Variants in SERPINB2 observed in about 807,000 individuals in gnomAD.
SERPINB2 encodes the protein serpin family B member 2.
SERPINB2 carries 28 observed loss-of-function variants against 39.4 expected under a neutral mutation model. The observed-to-expected ratio is 0.71, with a 90% CI of 0.53 to 0.97. SERPINB2 has a LOEUF of 0.97. Ranked by LOEUF, SERPINB2 falls within the 50% of genes least tolerant of loss-of-function variation. The probability of loss-of-function intolerance (pLI) is 0.00; values close to 1 mark genes in which losing one functional copy is unlikely to be tolerated. For synonymous variants in SERPINB2, 209 were observed against 175.1 expected (o/e 1.19, Z -1.53); for missense variants, 557 against 505.3 (o/e 1.10, Z -0.98).
rs141595251 is a variant in SERPINB2 at position 63,897,189 on chromosome 18, G to C, written c.387G>C (p.Leu129=). Residue 129 remains leucine (L), a synonymous_variant, in exon 4 of 8, where the codon CTG becomes CTC. Coordinates refer to ENST00000299502, the MANE Select transcript of SERPINB2 (RefSeq NM_002575.3). ...ATTTACTGGAAAGTGTCAATAAGCT[G>C]TTTGGTGAGAAGTCTGCGAGCTTCC... ...GNYLLESVNK[L]FGEKSASFRE... The C allele has an allele frequency of 1.6e-5, 26 of 1,612,488 alleles. No homozygotes were observed. The African/African-American group carries it at 2.8e-4, about 17-fold the overall frequency.
intron 2 of SERPINB2, among the ~76,000 whole-genome samples, chr18:63,892,126 AC>A (rs1195522596): frequency 6.6e-6 from 1 of 151,822 alleles, no homozygotes; most frequent in Non-Finnish European, 1.5e-5. Context: ...AAAAAAAAAA[AC>A]ATACCAGGGT....
At chr18:63,901,132 TG>T (rs770091197) in intron 5 of SERPINB2, among the ~76,000 whole-genome samples, 9 of 152,164 alleles carry the variant, frequency 5.9e-5, no homozygotes, top group Non-Finnish European at 1.3e-4. Flanking sequence ...CTCCCTTCTC[TG>T]TATGATCATA....
intron 5 of SERPINB2, among the ~76,000 whole-genome samples, chr18:63,899,048 C>T (rs556534315): frequency 1.8e-4 from 28 of 152,320 alleles, no homozygotes; most frequent in Non-Finnish European, 2.1e-4. Flanking sequence ...CTGTGCTTGG[C>T]TACCACTGGC....
Position 63,901,887 on chromosome 18 carries a change from G to A in SERPINB2, c.678+5G>A. Reference sequence around the variant, plus strand: ...TATCCTTTCCGTGTAAACTCGGTATGAGACAACAAAATACATCTTCCTAGC... The same window carrying A: ...TATCCTTTCCGTGTAAACTCGGTATAAGACAACAAAATACATCTTCCTAGC... On this transcript the variant is annotated splice_donor_5th_base_variant and intron_variant, in intron 6 of 7. Coordinates refer to ENST00000299502, the MANE Select transcript of SERPINB2 (RefSeq NM_002575.3). 3 of 1,593,544 alleles carry A rather than the reference G, an allele frequency of 1.9e-6. No individual in the cohort carries two copies. Among genetic ancestry groups the A allele is most frequent in the Non-Finnish European group, 2.6e-6 (3 of 1,174,418 alleles).
intron 5 of SERPINB2, among the ~76,000 whole-genome samples, chr18:63,899,294 T>G (rs2049978500): frequency 6.6e-6 from 1 of 152,202 alleles, no homozygotes; most frequent in South Asian, 2.1e-4. Context: ...AACTGATTTT[T>G]GTTAGTTTGT....
intron 3 of SERPINB2, 122 bp downstream of exon 3, chr18:63,895,505 C>T: frequency 8.0e-7 from 1 of 1,248,250 alleles, no homozygotes; most frequent in East Asian, 2.3e-5. Context: ...AGAAAGAAAA[C>T]TAAGACTCAG....
intron 1 of SERPINB2, among the ~76,000 whole-genome samples, chr18:63,888,822 G>A (rs1190378643): frequency 1.3e-5 from 2 of 152,176 alleles, no homozygotes; most frequent in Admixed American, 1.3e-4. Flanking sequence ...AAGTTAATGA[G>A]ATCATATAAA....
chr18:63,894,249 ATCT>A (rs145900855), intron 2 of SERPINB2, among the ~76,000 whole-genome samples: 7,132 of 152,200 alleles, frequency 0.047, 210 homozygotes, highest in South Asian at 0.095. Flanking sequence ...GTCGTAGGAA[ATCT>A]TCTTCTTTTA....
At chr18:63,894,880 G>C (rs1405196181) in intron 2 of SERPINB2, among the ~76,000 whole-genome samples, 1 of 152,132 alleles carries the variant, frequency 6.6e-6, no homozygotes, top group Non-Finnish European at 1.5e-5. Context: ...ACTGAAAAGA[G>C]AGAGACACAC....
At chr18:63,889,265 C>A (rs1321657121) in intron 1 of SERPINB2, among the ~76,000 whole-genome samples, 2 of 152,130 alleles carry the variant, frequency 1.3e-5, no homozygotes, top group Non-Finnish European at 2.9e-5. Context: ...TAATTAATTA[C>A]ACCTTATTTA....
At chr18:63,891,355 C>A in intron 1 of SERPINB2, 81 bp from the exon 2 acceptor site, 1 of 1,390,834 alleles carries the variant, frequency 7.2e-7, no homozygotes, top group Non-Finnish European at 1.0e-6. Flanking sequence ...CAGAATGCAG[C>A]CTGTCCTACT....
intron 5 of SERPINB2, among the ~76,000 whole-genome samples, chr18:63,898,486 G>A (rs4366804): frequency 0.29 from 43,410 of 151,830 alleles, 6,766 homozygotes; most frequent in East Asian, 0.48. Flanking sequence ...TTTATTCATT[G>A]AATTCATTCA....
chr18:63,892,224 T>C (rs1455139298), intron 2 of SERPINB2, among the ~76,000 whole-genome samples: 1 of 152,104 alleles, frequency 6.6e-6, no homozygotes, highest in East Asian at 1.9e-4. Flanking sequence ...GAATGAGACC[T>C]GGCATTATTA....
intron 1 of SERPINB2, chr18:63,890,221 A>C (rs190811682): frequency 1.3e-5 from 2 of 152,168 alleles, no homozygotes; most frequent in Non-Finnish European, 2.9e-5. Flanking sequence ...AAAAAAAAAG[A>C]GTTCATGAAT....
At chr18:63,897,894 G>T in intron 5 of SERPINB2, 50 bp downstream of exon 5, 1 of 1,272,132 alleles carries the variant, frequency 7.9e-7, no homozygotes, top group Non-Finnish European at 1.1e-6. Flanking sequence ...AGAAAACTCT[G>T]ATCTATCTTT....
At position 63,897,182 on chromosome 18, in the gene SERPINB2, A is replaced by G; in HGVS notation, c.380A>G (p.Asn127Ser). The change falls in exon 4 of 8, where the codon AAT (asparagine) becomes AGT (serine). Residue 127 changes from asparagine to serine, a missense_variant. Asn to Ser is a conservative substitution (Grantham distance 46, BLOSUM62 1). Coordinates refer to ENST00000299502, the MANE Select transcript of SERPINB2 (RefSeq NM_002575.3). ...STGNYLLESV[N>S]KLFGEKSASF... ...GGGAATTATTTACTGGAAAGTGTCA[A>G]TAAGCTGTTTGGTGAGAAGTCTGCG... is the stretch of plus-strand genomic sequence containing the variant. 2 of 1,613,258 alleles carry G rather than the reference A, an allele frequency of 1.2e-6. No individual in the cohort carries two copies.
At chr18:63,894,072 A>G (rs1268264243) in intron 2 of SERPINB2, among the ~76,000 whole-genome samples, 1 of 151,942 alleles carries the variant, frequency 6.6e-6, no homozygotes, top group African/African-American at 2.4e-5. Flanking sequence ...CTGCCTCACT[A>G]TTTTCTCTGT....
At chr18:63,895,190 C>G (rs552747433) in intron 2 of SERPINB2, 74 bp from the exon 3 acceptor site, 262 of 1,579,260 alleles carry the variant, frequency 1.7e-4, no homozygotes, top group Non-Finnish European at 2.1e-4. Context: ...TTAGAGCCAC[C>G]TGATAGCCAT....
At chr18:63,893,899 G>C (rs960368994) in intron 2 of SERPINB2, among the ~76,000 whole-genome samples, 1 of 152,204 alleles carries the variant, frequency 6.6e-6, no homozygotes, top group Non-Finnish European at 1.5e-5. Context: ...AGGGCAAGAA[G>C]AGGCCACACA....
Sources: gnomAD v4.1 joint callset for allele counts (sites outside exome capture counted in the v4.1 genomes callset) on GRCh38, gnomAD v4.1.1 for gene constraint, MANE v1.5 for transcripts, NCBI Gene and HGNC (gene_info 2026-07-23, HGNC 2026-07-21) for gene names.